Variants in ARID4B observed in about 807,000 individuals in gnomAD.
ARID4B encodes AT-rich interactive domain-containing protein 4B.
In ARID4B, 26 loss-of-function variants were observed where a neutral mutation model predicts 147.5. The ratio of observed to expected loss-of-function variants is 0.18; its 90% CI spans 0.13 to 0.24. The LOEUF (loss-of-function observed/expected upper bound fraction) is 0.24, where lower values mean the gene tolerates loss of function less well. ARID4B is among the 10% of genes least tolerant of loss of function. The pLI, the probability that ARID4B is intolerant of heterozygous loss-of-function variation, is 1.00. For synonymous variants in ARID4B, 512 were observed against 507.9 expected (o/e 1.01, Z -0.11); for missense variants, 1,179 against 1,511.5 (o/e 0.78, Z 3.65).
chr1:235,313,816 C>A (rs1350717280), intron 2 of ARID4B, among the ~76,000 whole-genome samples: 1 of 152,136 alleles, frequency 6.6e-6, no homozygotes, highest in Non-Finnish European at 1.5e-5. Context: ...GCAAAGAGTT[C>A]TTGGAATAAA....
intron 19 of ARID4B, chr1:235,187,027 C>A (rs767436428): frequency 1.7e-5 from 6 of 346,242 alleles, no homozygotes; most frequent in South Asian, 1.3e-4. Context: ...CTTTCTTGTT[C>A]TTTTCTTTTT....
intron 6 of ARID4B, among the ~76,000 whole-genome samples, chr1:235,252,322 G>T (rs576963099): frequency 6.6e-6 from 1 of 152,162 alleles, no homozygotes; most frequent in African/African-American, 2.4e-5. Flanking sequence ...CAGGCAAGAG[G>T]AAAGGGCATA....
In ARID4B at chr1:235,272,884, G is replaced by C. The variant is rs118041937; in HGVS notation, c.7-12132C>G. On this transcript the variant is annotated intron_variant, in intron 2 of 23. Transcript: ENST00000264183. ...TAACAATCAGATCACGTAGAAATTAGTGACAGAAGCAGTTCAAGAATAGGT... is the reference window on the plus strand; with the variant it reads ...TAACAATCAGATCACGTAGAAATTACTGACAGAAGCAGTTCAAGAATAGGT... Among the ~76,000 whole-genome samples, 239 of 152,188 alleles carry C rather than the reference G, an allele frequency of 1.6e-3. 4 individuals carry two copies. In the East Asian group the frequency reaches 0.033, roughly 21 times the overall value.
chr1:235,235,877 G>A (rs1486920526), intron 8 of ARID4B, among the ~76,000 whole-genome samples: 2 of 151,880 alleles, frequency 1.3e-5, no homozygotes, highest in Admixed American at 6.6e-5. Context: ...CCTAGTCAGG[G>A]TAAATACTCA....
At chr1:235,258,255 C>T (rs1461236270) in intron 3 of ARID4B, among the ~76,000 whole-genome samples, 2 of 152,086 alleles carry the variant, frequency 1.3e-5, no homozygotes, top group Non-Finnish European at 2.9e-5. Context: ...TCACTTGAAC[C>T]AGGGAGGTGG....
intron 13 of ARID4B, among the ~76,000 whole-genome samples, chr1:235,222,070 T>C (rs1288357185): frequency 6.6e-6 from 1 of 151,780 alleles, no homozygotes. Context: ...CCACCACACC[T>C]GGCTAATTAA....
chr1:235,244,588 A>G (rs1410476955), intron 7 of ARID4B, among the ~76,000 whole-genome samples: 1 of 152,208 alleles, frequency 6.6e-6, no homozygotes, highest in African/African-American at 2.4e-5. Context: ...GGAAGATGTT[A>G]AAAGTAATCA....
chr1:235,326,602 A>G (rs1675283142), intron 2 of ARID4B, among the ~76,000 whole-genome samples: 1 of 152,238 alleles, frequency 6.6e-6, no homozygotes, highest in Non-Finnish European at 1.5e-5. Context: ...TTCTAGGGTC[A>G]GATTACCTGA....
At chr1:235,311,807 CAAAA>C (rs1674073911) in intron 2 of ARID4B, among the ~76,000 whole-genome samples, 1 of 151,980 alleles carries the variant, frequency 6.6e-6, no homozygotes, top group Non-Finnish European at 1.5e-5. Flanking sequence ...AACAAACAAA[CAAAA>C]ACAGTACCTA....
chr1:235,171,365 G>A (rs548583743), intron 23 of ARID4B, among the ~76,000 whole-genome samples: 14 of 151,600 alleles, frequency 9.2e-5, no homozygotes, highest in Admixed American at 4.6e-4. Flanking sequence ...CTCAGGAGGC[G>A]GAGGTTGTAG....
intron 2 of ARID4B, among the ~76,000 whole-genome samples, chr1:235,264,141 T>C (rs908890128): frequency 2.6e-5 from 4 of 152,226 alleles, no homozygotes; most frequent in African/African-American, 9.7e-5. Context: ...CCTCTATTTA[T>C]TATACATTAT....
intron 2 of ARID4B, among the ~76,000 whole-genome samples, chr1:235,301,640 C>T (rs1010340430): frequency 1.3e-5 from 2 of 151,128 alleles, no homozygotes; most frequent in Non-Finnish European, 3.0e-5. Flanking sequence ...CCCTCCACCT[C>T]CCAGGCTCAA....
rs1028838016 is a variant in ARID4B at position 235,248,692 on chromosome 1, T to C, written c.355-2181A>G. Reference sequence around the variant, plus strand: ...TAAAGAGTTGTTTAAGAATCACACATAGTAATTTTCAAATAAGAGACCACA... The same window carrying C: ...TAAAGAGTTGTTTAAGAATCACACACAGTAATTTTCAAATAAGAGACCACA... On this transcript the variant is annotated intron_variant, in intron 6 of 23. Coordinates refer to ENST00000264183, the MANE Select transcript of ARID4B (RefSeq NM_016374.6). Among the ~76,000 whole-genome samples, 6 of 152,314 alleles carry C rather than the reference T, an allele frequency of 3.9e-5. No homozygotes were observed. In the East Asian group the frequency reaches 5.8e-4, roughly 15 times the overall value.
intron 2 of ARID4B, among the ~76,000 whole-genome samples, chr1:235,305,317 C>G (rs758784632): frequency 6.6e-6 from 1 of 152,152 alleles, no homozygotes; most frequent in Non-Finnish European, 1.5e-5. Flanking sequence ...GTGAGACCCA[C>G]GTCAGACCTC....
At chr1:235,170,428 A>G (rs1434027966) in intron 23 of ARID4B, among the ~76,000 whole-genome samples, 3 of 152,148 alleles carry the variant, frequency 2.0e-5, no homozygotes, top group Admixed American at 1.3e-4. Context: ...ATATATAGAT[A>G]TAGCAACACC....
chr1:235,306,868 G>A (rs1284603159), intron 2 of ARID4B, among the ~76,000 whole-genome samples: 2 of 151,894 alleles, frequency 1.3e-5, no homozygotes, highest in African/African-American at 4.8e-5. Context: ...ATGTTGGCCG[G>A]GCTAGTCTCA....
At chr1:235,256,432 T>C (rs1669996767) in intron 4 of ARID4B, among the ~76,000 whole-genome samples, 1 of 152,120 alleles carries the variant, frequency 6.6e-6, no homozygotes, top group Non-Finnish European at 1.5e-5. Flanking sequence ...ATAGGGACAA[T>C]TTAAAAATTG....
intron 2 of ARID4B, among the ~76,000 whole-genome samples, chr1:235,275,769 C>T (rs143547586): frequency 1.1e-4 from 17 of 152,290 alleles, no homozygotes; most frequent in African/African-American, 1.7e-4. Flanking sequence ...CTGGGATATT[C>T]AGAACTTAGA....
intron 7 of ARID4B, among the ~76,000 whole-genome samples, chr1:235,241,995 C>T (rs1669013822): frequency 6.6e-6 from 1 of 151,976 alleles, no homozygotes; most frequent in Non-Finnish European, 1.5e-5. Flanking sequence ...GTATTGTACT[C>T]CCAGCACTTT....
Sources: gnomAD v4.1 joint callset for allele counts (sites outside exome capture counted in the v4.1 genomes callset) on GRCh38, gnomAD v4.1.1 for gene constraint, MANE v1.5 for transcripts, NCBI Gene and HGNC (gene_info 2026-07-23, HGNC 2026-07-21) for gene names.